RARB: variants seen among roughly 807,000 people sequenced by gnomAD.
RARB encodes the protein HBV-activated protein.
A neutral mutation model predicts 51.9 loss-of-function variants in RARB; 17 were observed. That is an observed-to-expected ratio of 0.33 (90% CI 0.22 to 0.49). The LOEUF (loss-of-function observed/expected upper bound fraction) is 0.49. RARB is among the 20% of genes least tolerant of loss of function. The pLI is 0.99. For missense variants in RARB, 369 were observed against 550.8 expected (o/e 0.67, Z 3.30); for synonymous variants, 215 against 195.4 (o/e 1.10, Z -0.84).
chr3:25,441,758 C>G (rs1223429966), intron 1 of RARB, among the ~76,000 whole-genome samples: 1 of 152,128 alleles, frequency 6.6e-6, no homozygotes, highest in Non-Finnish European at 1.5e-5. Flanking sequence ...TGTTCTCACC[C>G]TTTTCTCCTT....
intron 1 of RARB, among the ~76,000 whole-genome samples, chr3:24,842,070 C>T (rs556336049): frequency 1.4e-3 from 211 of 151,964 alleles, no homozygotes; most frequent in African/African-American, 4.0e-3. Context: ...TTTGTTGGTT[C>T]GATTTTCTAT....
At chr3:24,877,562 C>T (rs576351030) in intron 2 of RARB, among the ~76,000 whole-genome samples, 9 of 151,932 alleles carry the variant, frequency 5.9e-5, no homozygotes, top group Non-Finnish European at 1.3e-4. Context: ...TCAACAAGAC[C>T]ACAGCCAAGA....
chr3:25,094,175 G>C (rs1699251914), intron 3 of RARB, among the ~76,000 whole-genome samples: 1 of 152,144 alleles, frequency 6.6e-6, no homozygotes, highest in African/African-American at 2.4e-5. Flanking sequence ...ACAGTTGTCT[G>C]TTACTTGCAT....
chr3:25,288,577 C>T (rs1004487195), intron 5 of RARB, among the ~76,000 whole-genome samples: 1 of 152,124 alleles, frequency 6.6e-6, no homozygotes, highest in Admixed American at 6.5e-5. Flanking sequence ...AGTGATTCTA[C>T]CCCAGGTGGT....
chr3:25,240,114 A>C (rs1702396165), intron 5 of RARB, among the ~76,000 whole-genome samples: 1 of 149,718 alleles, frequency 6.7e-6, no homozygotes. Context: ...ATGGGATTGC[A>C]TTCTTGATTT....
At chr3:25,206,025 T>G (rs1042321949) in intron 5 of RARB, among the ~76,000 whole-genome samples, 1 of 152,228 alleles carries the variant, frequency 6.6e-6, no homozygotes, top group Non-Finnish European at 1.5e-5. Context: ...GGCTAAGCTA[T>G]GATGCTTGGT....
chr3:25,133,969 A>T (rs980698095), intron 4 of RARB, among the ~76,000 whole-genome samples: 1 of 151,610 alleles, frequency 6.6e-6, no homozygotes, highest in Non-Finnish European at 1.5e-5. Context: ...TCATTAAAAA[A>T]AAAAAAAAAA....
chr3:24,888,501 A>G lies in RARB; in HGVS notation c.-380+29749A>G, dbSNP rs1052391384. 3.3e-5 allele frequency among the ~76,000 whole-genome samples: 5 copies of G among 152,236 alleles called. No homozygotes were observed. The East Asian group carries it at 9.6e-4, about 29-fold the overall frequency. On this transcript the variant is annotated intron_variant, in intron 2 of 11. Coordinates refer to the RARB transcript ENST00000383772. The stretch of plus-strand genomic sequence containing the variant: ...GCTTTTATTCTTAATGATCATGCAT[A>G]GAAGTTAAAAGCTAAGACCCTATAA...
intron 3 of RARB, among the ~76,000 whole-genome samples, chr3:25,542,381 A>G (rs149814200): frequency 3.3e-5 from 5 of 152,224 alleles, no homozygotes; most frequent in African/African-American, 1.2e-4. Context: ...TGGATTTTTC[A>G]TCCTATCACA....
chr3:25,215,586 C>T (rs779940880), intron 5 of RARB, among the ~76,000 whole-genome samples: 5 of 152,098 alleles, frequency 3.3e-5, no homozygotes, highest in Non-Finnish European at 5.9e-5. Context: ...GCCTTGGGAA[C>T]CCGTGCCTGA....
chr3:25,530,773 C>T (rs1698867731), intron 3 of RARB, among the ~76,000 whole-genome samples: 1 of 152,180 alleles, frequency 6.6e-6, no homozygotes, highest in African/African-American at 2.4e-5. Context: ...ATATTCACAG[C>T]TTCTGGAGAT....
chr3:25,376,005 A>G (rs181204657), intron 5 of RARB, among the ~76,000 whole-genome samples: 69 of 152,378 alleles, frequency 4.5e-4, no homozygotes, highest in Admixed American at 7.2e-4. Flanking sequence ...ATTAATGAGG[A>G]GTAAATGAGC....
At chr3:25,299,362 T>A (rs1396808636) in intron 5 of RARB, among the ~76,000 whole-genome samples, 1 of 152,188 alleles carries the variant, frequency 6.6e-6, no homozygotes, top group East Asian at 1.9e-4. Flanking sequence ...CATGCGTGGC[T>A]AATTTTTGTA....
intron 2 of RARB, among the ~76,000 whole-genome samples, chr3:24,925,611 A>T (rs1002085197): frequency 7.4e-6 from 1 of 135,742 alleles, no homozygotes; most frequent in African/African-American, 2.8e-5. Flanking sequence ...TCACGATTCC[A>T]CTCTGGCCTG....
At chr3:25,541,478 C>T (rs957860605) in intron 3 of RARB, among the ~76,000 whole-genome samples, 6 of 152,244 alleles carry the variant, frequency 3.9e-5, no homozygotes, top group Non-Finnish European at 8.8e-5. Context: ...CTGGCATGTA[C>T]GTTTGTTGAA....
intron 4 of RARB, among the ~76,000 whole-genome samples, chr3:25,158,821 C>T (rs1172937876): frequency 6.6e-6 from 1 of 152,164 alleles, no homozygotes; most frequent in Non-Finnish European, 1.5e-5. Context: ...GAGACCCAAA[C>T]TGCTTCCCAG....
At chr3:25,512,352 G>A (rs921510630) in intron 3 of RARB, among the ~76,000 whole-genome samples, 1 of 152,196 alleles carries the variant, frequency 6.6e-6, no homozygotes, top group Admixed American at 6.5e-5. Context: ...CACAAAGCAA[G>A]GTGATGGGTA....
chr3:25,471,941 C>G (rs534556845), intron 2 of RARB, among the ~76,000 whole-genome samples: 6 of 152,216 alleles, frequency 3.9e-5, no homozygotes, highest in Admixed American at 2.6e-4. Flanking sequence ...CCCCCTCTAC[C>G]TTCTCATTGT....
At chr3:25,537,543 G>T (rs1311877399) in intron 3 of RARB, among the ~76,000 whole-genome samples, 2 of 152,176 alleles carry the variant, frequency 1.3e-5, no homozygotes, top group Admixed American at 1.3e-4. Flanking sequence ...TTGTGGGGCT[G>T]TTTTACTGTG....
Sources: allele counts gnomAD v4.1 joint callset (sites outside exome capture counted in the v4.1 genomes callset), GRCh38; gene constraint gnomAD v4.1.1; transcripts MANE v1.5; gene names NCBI Gene and HGNC (gene_info 2026-07-23, HGNC 2026-07-21).